TSHZ2: variants seen among roughly 807,000 people sequenced by gnomAD.
TSHZ2 encodes the protein teashirt zinc finger homeobox 2, also known as teashirt homolog 2.
A neutral mutation model predicts 74.4 loss-of-function variants in TSHZ2; 21 were observed. The observed-to-expected ratio is 0.28, with a 90% CI of 0.20 to 0.41. The LOEUF (loss-of-function observed/expected upper bound fraction) is 0.41, where lower values mean the gene tolerates loss of function less well. Among genes scored for constraint, TSHZ2 ranks in the 10% least tolerant of loss-of-function variants. TSHZ2 has a pLI of 1.00. For missense variants in TSHZ2, 1,244 were observed against 1,293.5 expected, an observed-to-expected ratio of 0.96 and a Z score of 0.59; for synonymous variants, 540 against 515.3, an observed-to-expected ratio of 1.05 and a Z score of -0.65.
chr20:53,451,566 G>C (rs1248919786), intron 2 of TSHZ2, among the ~76,000 whole-genome samples: 1 of 152,098 alleles, frequency 6.6e-6, no homozygotes, highest in Non-Finnish European at 1.5e-5. Flanking sequence ...TCTTTATCTG[G>C]GTAACTTAGT....
At chr20:53,076,876 G>A (rs1985379472) in intron 1 of TSHZ2, among the ~76,000 whole-genome samples, 1 of 152,236 alleles carries the variant, frequency 6.6e-6, no homozygotes. Flanking sequence ...AATTCAGAGA[G>A]TGATGGGAAG....
chr20:53,325,519 G>A (rs1979451683), intron 2 of TSHZ2, among the ~76,000 whole-genome samples: 1 of 152,178 alleles, frequency 6.6e-6, no homozygotes, highest in Non-Finnish European at 1.5e-5. Context: ...CTCAGGGAGA[G>A]TCACTCCTCC....
chr20:53,403,991 T>A (rs371307527), intron 2 of TSHZ2, among the ~76,000 whole-genome samples: 9 of 152,322 alleles, frequency 5.9e-5, no homozygotes, highest in African/African-American at 2.2e-4. Context: ...ATAATCAAAA[T>A]CTTCATGCAT....
At chr20:53,110,199 C>T (rs923311827) in intron 1 of TSHZ2, among the ~76,000 whole-genome samples, 8 of 152,072 alleles carry the variant, frequency 5.3e-5, no homozygotes, top group South Asian at 2.1e-4. Context: ...TTCACTGCCC[C>T]GCCCCTCTAG....
At chr20:53,279,135 A>G (rs1166364466) in intron 2 of TSHZ2, among the ~76,000 whole-genome samples, 4 of 152,220 alleles carry the variant, frequency 2.6e-5, no homozygotes, top group African/African-American at 9.6e-5. Flanking sequence ...TGTCATCTTC[A>G]CATTGAGTAG....
chr20:53,168,340 C>G (rs1988110190), intron 1 of TSHZ2, among the ~76,000 whole-genome samples: 1 of 152,186 alleles, frequency 6.6e-6, no homozygotes, highest in Non-Finnish European at 1.5e-5. Context: ...GAGCCAACCT[C>G]CCCACCTGAG....
chr20:53,117,962 T>A (rs6091635), intron 1 of TSHZ2, among the ~76,000 whole-genome samples: 9,858 of 152,282 alleles, frequency 0.065, 676 homozygotes, highest in East Asian at 0.3. Context: ...CATAAAGACT[T>A]GTCACAGTTG....
intron 1 of TSHZ2, among the ~76,000 whole-genome samples, chr20:52,997,161 T>C (rs1278255430): frequency 2.6e-5 from 4 of 152,188 alleles, no homozygotes; most frequent in Non-Finnish European, 4.4e-5. Context: ...AAAGGCATAG[T>C]GCAGGCATCT....
In TSHZ2 at chr20:53,488,324, T is replaced by C. The variant is rs1374310854; in HGVS notation, c.*1189T>C. 1 of 152,206 alleles carries C rather than the reference T, an allele frequency of 6.6e-6. No homozygotes were observed. Among genetic ancestry groups the C allele is most frequent in the African/African-American group, 2.4e-5 (1 of 41,462 alleles). The allele number at this position is 152,206 out of a possible 1,614,324, so 9.4% of individuals were successfully genotyped here. On this transcript the variant is annotated 3_prime_UTR_variant, in exon 3 of 3. Coordinates refer to ENST00000371497, the MANE Select transcript of TSHZ2 (RefSeq NM_173485.6). The stretch of plus-strand genomic sequence containing the variant: ...ATTAACGTTATGGATTTTTAACGGA[T>C]GTCTTAATTATACGTTATTATTAAC...
intron 2 of TSHZ2, among the ~76,000 whole-genome samples, chr20:53,374,832 A>C (rs1981602368): frequency 6.6e-6 from 1 of 151,646 alleles, no homozygotes; most frequent in Admixed American, 6.6e-5. Context: ...CCCACTTTTT[A>C]ATGGGGCTGT....
chr20:53,346,829 G>A (rs938656842), intron 2 of TSHZ2, among the ~76,000 whole-genome samples: 2 of 152,314 alleles, frequency 1.3e-5, no homozygotes, highest in East Asian at 1.9e-4. Context: ...TTATGGAAGC[G>A]TCTGTGGAAT....
chr20:53,174,851 G>A lies in TSHZ2; in HGVS notation c.41-78648G>A, dbSNP rs1333855361. Among the ~76,000 whole-genome samples the A allele has an allele frequency of 3.3e-5, 5 of 152,228 alleles. No individual in the cohort carries two copies. In the South Asian group the frequency reaches 6.2e-4, roughly 19 times the overall value. ...GGGTCCCAAACAAAAATGGCATAGT[G>A]GTAGGAAGGAGGCAGCGTGAAGGAG... is the stretch of plus-strand genomic sequence containing the variant. On this transcript the variant is annotated intron_variant, in intron 1 of 2. Coordinates refer to ENST00000371497, the MANE Select transcript of TSHZ2 (RefSeq NM_173485.6).
chr20:53,170,488 G>A (rs968262733), intron 1 of TSHZ2, among the ~76,000 whole-genome samples: 2 of 152,172 alleles, frequency 1.3e-5, no homozygotes, highest in South Asian at 2.1e-4. Flanking sequence ...CAACCTTGAC[G>A]CTATTGAACC....
At chr20:53,383,550 A>G (rs920657780) in intron 2 of TSHZ2, among the ~76,000 whole-genome samples, 1 of 152,064 alleles carries the variant, frequency 6.6e-6, no homozygotes, top group Non-Finnish European at 1.5e-5. Context: ...ACTTGAGGCC[A>G]TGAAATCAAG....
intron 2 of TSHZ2, among the ~76,000 whole-genome samples, chr20:53,314,622 C>CTTTT (rs11475290): frequency 1.6e-5 from 2 of 126,682 alleles, no homozygotes; most frequent in East Asian, 2.2e-4. Context: ...GTAGTCCTAG[C>CTTTT]TTTTTTTTTT....
intron 2 of TSHZ2, among the ~76,000 whole-genome samples, chr20:53,322,712 A>G (rs1214728214): frequency 6.6e-6 from 1 of 152,122 alleles, no homozygotes; most frequent in African/African-American, 2.4e-5. Context: ...ATGCAAATGC[A>G]GGGAGCTGGG....
intron 2 of TSHZ2, among the ~76,000 whole-genome samples, chr20:53,448,693 C>T (rs539590179): frequency 3.3e-5 from 5 of 152,236 alleles, no homozygotes; most frequent in Admixed American, 2.6e-4. Flanking sequence ...GCATACAGCT[C>T]CTTTAGTCCT....
intron 1 of TSHZ2, among the ~76,000 whole-genome samples, chr20:53,045,232 T>C (rs1984185656): frequency 6.6e-6 from 1 of 152,098 alleles, no homozygotes; most frequent in Admixed American, 6.5e-5. Context: ...GTACAGCGGG[T>C]CATACGCTGA....
chr20:53,055,042 C>T (rs1452203084), intron 1 of TSHZ2, among the ~76,000 whole-genome samples: 6 of 152,084 alleles, frequency 3.9e-5, no homozygotes, highest in East Asian at 3.8e-4. Flanking sequence ...GATAACTAAC[C>T]GAACAACACT....
Sources: gnomAD v4.1 joint callset for allele counts (sites outside exome capture counted in the v4.1 genomes callset) on GRCh38, gnomAD v4.1.1 for gene constraint, MANE v1.5 for transcripts, NCBI Gene and HGNC (gene_info 2026-07-23, HGNC 2026-07-21) for gene names.